The following GPHN variants were observed in gnomAD, a reference collection of about 807,000 sequenced individuals.
The protein encoded by GPHN is gephyrin.
Under a neutral mutation model 95.5 loss-of-function variants are expected in GPHN, and 17 were observed. The observed-to-expected ratio is 0.18, with a 90% CI of 0.12 to 0.27. GPHN has a LOEUF of 0.27. Ranked by LOEUF, GPHN falls within the 10% of genes least tolerant of loss-of-function variation. The pLI, the probability that GPHN is intolerant of heterozygous loss-of-function variation, is 1.00. For missense variants in GPHN, 660 were observed against 978.1 expected, an observed-to-expected ratio of 0.67 and a Z score of 4.34; for synonymous variants, 320 against 322.5, an observed-to-expected ratio of 0.99 and a Z score of 0.08.
chr14:67,268,332 G>A, the GPHN span, among the ~76,000 whole-genome samples: 1 of 152,146 alleles, frequency 6.6e-6, no homozygotes, highest in Admixed American at 6.5e-5. Context: ...GAATTCATCT[G>A]TTACCCGAAG....
At chr14:67,338,435 T>C in the GPHN span, 11 of 620,522 alleles carry the variant, frequency 1.8e-5, no homozygotes, top group Admixed American at 2.6e-4. Flanking sequence ...ATCTCTTTCA[T>C]CCATGATAAA....
chr14:67,727,904 G>A, the GPHN span: 1 of 152,964 alleles, frequency 6.5e-6, no homozygotes, highest in Non-Finnish European at 1.5e-5. Context: ...AGGTCCACAT[G>A]GTGATCTGAG....
the GPHN span, chr14:67,203,297 A>G: frequency 6.4e-7 from 1 of 1,566,662 alleles, no homozygotes; most frequent in Non-Finnish European, 8.7e-7. Flanking sequence ...TCACCAGGTG[A>G]GTTACAAAGA....
chr14:66,562,869 GTGTGTGTGTGTT>G (rs1052048218), intron 1 of GPHN, among the ~76,000 whole-genome samples: 1 of 151,930 alleles, frequency 6.6e-6, no homozygotes, highest in African/African-American at 2.4e-5. Flanking sequence ...TTGTGTCTGT[GTGTGTGTGTGTT>G]TGTGTGTGTG....
chr14:67,311,209 G>T, the GPHN span, among the ~76,000 whole-genome samples: 1 of 151,002 alleles, frequency 6.6e-6, no homozygotes, highest in Non-Finnish European at 1.5e-5. Context: ...TACTCGGGAG[G>T]CTCAGACAGG....
At chr14:67,608,413 T>C in the GPHN span, among the ~76,000 whole-genome samples, 2 of 152,196 alleles carry the variant, frequency 1.3e-5, no homozygotes. Flanking sequence ...GCATAGGCTA[T>C]ATGCAAACAC....
chr14:66,970,208 T>C (rs1594673760), intron 9 of GPHN, among the ~76,000 whole-genome samples: 1 of 152,030 alleles, frequency 6.6e-6, no homozygotes. Context: ...TATCTTTATA[T>C]GAGGGATATA....
intron 16 of GPHN, 108 bp downstream of exon 16, chr14:67,113,279 C>T: frequency 9.9e-7 from 1 of 1,009,002 alleles, no homozygotes; most frequent in Non-Finnish European, 1.6e-6. Flanking sequence ...TAGATCATAC[C>T]AGTGGATCCA....
At chr14:66,553,230 A>G (rs1039186479) in intron 1 of GPHN, among the ~76,000 whole-genome samples, 6 of 152,030 alleles carry the variant, frequency 3.9e-5, no homozygotes, top group Admixed American at 3.3e-4. Flanking sequence ...ACCTCAGGCA[A>G]TCTGCCCGCC....
At chr14:66,725,548 A>G (rs2071151095) in intron 2 of GPHN, among the ~76,000 whole-genome samples, 1 of 152,150 alleles carries the variant, frequency 6.6e-6, no homozygotes, top group Non-Finnish European at 1.5e-5. Context: ...CAGTGGCACA[A>G]TCTCGGCTCA....
chr14:67,359,564 G>A, the GPHN span: 1 of 1,415,398 alleles, frequency 7.1e-7, no homozygotes, highest in Non-Finnish European at 9.8e-7. Context: ...ATCCTCCCAG[G>A]AAACAAGGAC....
intron 1 of GPHN, among the ~76,000 whole-genome samples, chr14:66,561,316 G>A (rs1404923657): frequency 6.6e-6 from 1 of 152,148 alleles, no homozygotes; most frequent in African/African-American, 2.4e-5. Flanking sequence ...AGAAGGAATG[G>A]TACCAGTTCC....
At chr14:66,792,552 A>G (rs1405785672) in intron 3 of GPHN, among the ~76,000 whole-genome samples, 2 of 152,270 alleles carry the variant, frequency 1.3e-5, no homozygotes, top group East Asian at 3.9e-4. Context: ...TGAAATAAAG[A>G]CATGTCCAAA....
the GPHN span, chr14:67,199,748 T>G: frequency 1.9e-6 from 3 of 1,557,180 alleles, no homozygotes; most frequent in Non-Finnish European, 2.6e-6. Context: ...ATCATTGGGG[T>G]CTGGGCTTCC....
the GPHN span, chr14:67,208,262 T>C: frequency 1.2e-6 from 2 of 1,613,870 alleles, no homozygotes; most frequent in South Asian, 2.2e-5. Flanking sequence ...TAAGAGTGAG[T>C]TGAAAGAATC....
the GPHN span, among the ~76,000 whole-genome samples, chr14:67,495,499 T>C: frequency 2.0e-5 from 3 of 152,062 alleles, no homozygotes; most frequent in Non-Finnish European, 2.9e-5. Context: ...TTTTTTTTTT[T>C]CAGATGGAGT....
chr14:67,645,301 A>G, the GPHN span, among the ~76,000 whole-genome samples: 1 of 151,924 alleles, frequency 6.6e-6, no homozygotes, highest in Non-Finnish European at 1.5e-5. Flanking sequence ...GGTGTACACC[A>G]TCTTGTCTGG....
the GPHN span, chr14:67,735,073 A>G: frequency 1.4e-6 from 1 of 708,604 alleles, no homozygotes; most frequent in Non-Finnish European, 2.6e-6. Flanking sequence ...AGCAAATGAC[A>G]CCAAATATCG....
chr14:67,209,072 A>G, the GPHN span, among the ~76,000 whole-genome samples: 2 of 152,254 alleles, frequency 1.3e-5, no homozygotes, highest in African/African-American at 4.8e-5. Flanking sequence ...CCTCATTTAC[A>G]GAGGAAAGAT....
Sources: gnomAD v4.1 joint callset for allele counts (sites outside exome capture counted in the v4.1 genomes callset) on GRCh38, gnomAD v4.1.1 for gene constraint, MANE v1.5 for transcripts, NCBI Gene and HGNC (gene_info 2026-07-23, HGNC 2026-07-21) for gene names.